Variants in TPP2 observed in about 807,000 individuals in gnomAD.
The protein encoded by TPP2 is tripeptidyl peptidase 2.
Under a neutral mutation model 155.9 loss-of-function variants are expected in TPP2, and 34 were observed. The ratio of observed to expected loss-of-function variants is 0.22; its 90% CI spans 0.17 to 0.29. The LOEUF (loss-of-function observed/expected upper bound fraction) is 0.29. TPP2 is among the 10% of genes least tolerant of loss of function. The pLI, the probability that TPP2 is intolerant of heterozygous loss-of-function variation, is 1.00. For synonymous variants in TPP2, 510 were observed against 529.4 expected (o/e 0.96, Z 0.50); for missense variants, 1,028 against 1,522.3 (o/e 0.68, Z 5.40).
At chr13:102,623,752 T>C (rs1881342412) in intron 6 of TPP2, among the ~76,000 whole-genome samples, 1 of 152,184 alleles carries the variant, frequency 6.6e-6, no homozygotes, top group Non-Finnish European at 1.5e-5. Context: ...TAAACAACTG[T>C]GTGTTATTCT....
Position 102,675,539 on chromosome 13 carries a change from A to G in TPP2, c.3580-757A>G, listed in dbSNP as rs370996388. Among the ~76,000 whole-genome samples the G allele has an allele frequency of 5.3e-5, 8 of 152,330 alleles. No individual in the cohort carries two copies. The South Asian group carries it at 8.3e-4, about 16-fold the overall frequency. Reference sequence around the variant, plus strand: ...TATTGCAAACAATTATTGAAGGCCTATGTGCCAAACACTACTTACTACTGG... The same window carrying G: ...TATTGCAAACAATTATTGAAGGCCTGTGTGCCAAACACTACTTACTACTGG... On this transcript the variant is annotated intron_variant, in intron 28 of 29. Coordinates refer to ENST00000376052, the MANE Select transcript of TPP2 (RefSeq NM_001330588.2).
At chr13:102,648,758 T>A in intron 21 of TPP2, 149 bp from the exon 22 acceptor site, 2 of 1,062,692 alleles carry the variant, frequency 1.9e-6, no homozygotes, top group South Asian at 3.5e-5. Flanking sequence ...TTATGTGTTA[T>A]ATGAACGTCT....
At chr13:102,627,982 A>AAACATCTCATAC in intron 8 of TPP2, 58 bp downstream of exon 8, 1 of 1,371,046 alleles carries the variant, frequency 7.3e-7, no homozygotes, top group Non-Finnish European at 1.0e-6. Flanking sequence ...AGAGTATGAG[A>AAACATCTCATAC]TGTTTTTCAT....
chr13:102,603,624 G>A (rs1295573663), intron 1 of TPP2, among the ~76,000 whole-genome samples: 2 of 152,208 alleles, frequency 1.3e-5, no homozygotes, highest in African/African-American at 2.4e-5. Flanking sequence ...GGTGGCAGGG[G>A]TCAGATGGTG....
At chr13:102,601,639 C>T (rs941677479) in intron 1 of TPP2, among the ~76,000 whole-genome samples, 9 of 152,220 alleles carry the variant, frequency 5.9e-5, no homozygotes, top group African/African-American at 2.2e-4. Context: ...TTCAGTCCCT[C>T]TTTCCCATGT....
At chr13:102,644,535 T>G (rs1452018827) in intron 17 of TPP2, 22 bp from the exon 18 acceptor site, 1 of 1,545,692 alleles carries the variant, frequency 6.5e-7, no homozygotes. Flanking sequence ...AAGAGATATA[T>G]TTTATTTACT....
intron 27 of TPP2, among the ~76,000 whole-genome samples, chr13:102,671,446 A>C (rs1884977414): frequency 1.3e-5 from 2 of 152,206 alleles, no homozygotes; most frequent in South Asian, 2.1e-4. Context: ...TACCTAAATA[A>C]GATTTTGAGA....
At chr13:102,655,680 C>T (rs1020114832) in intron 24 of TPP2, among the ~76,000 whole-genome samples, 1 of 152,168 alleles carries the variant, frequency 6.6e-6, no homozygotes, top group Non-Finnish European at 1.5e-5. Context: ...ATGTTGACTT[C>T]CATTCTCTTT....
At chr13:102,666,022 G>T (rs1884569056) in intron 27 of TPP2, among the ~76,000 whole-genome samples, 1 of 151,994 alleles carries the variant, frequency 6.6e-6, no homozygotes, top group African/African-American at 2.4e-5. Flanking sequence ...TTGCCATTTT[G>T]TTGTTGTTGT....
chr13:102,670,916 G>A (rs1009797656), intron 27 of TPP2, among the ~76,000 whole-genome samples: 4 of 152,156 alleles, frequency 2.6e-5, no homozygotes, highest in Non-Finnish European at 4.4e-5. Context: ...TATTCTTTAC[G>A]ACAGAGGCAT....
intron 8 of TPP2, 60 bp from the exon 9 acceptor site, chr13:102,629,422 C>T (rs1411630426): frequency 7.0e-7 from 1 of 1,418,790 alleles, no homozygotes; most frequent in Non-Finnish European, 9.2e-7. Context: ...GGTTTTGGTA[C>T]TATATACACT....
intron 25 of TPP2, among the ~76,000 whole-genome samples, chr13:102,662,364 A>G (rs1884288217): frequency 6.6e-6 from 1 of 152,230 alleles, no homozygotes; most frequent in Non-Finnish European, 1.5e-5. Flanking sequence ...TTACTATGCT[A>G]GAAAGCATTG....
At chr13:102,601,733 C>T (rs1227093774) in intron 1 of TPP2, among the ~76,000 whole-genome samples, 5 of 152,180 alleles carry the variant, frequency 3.3e-5, no homozygotes, top group East Asian at 1.9e-4. Flanking sequence ...TCTCCCAAAA[C>T]ACCATGGCAA....
chr13:102,672,956 C>T (rs1293357790), intron 27 of TPP2, among the ~76,000 whole-genome samples: 1 of 152,172 alleles, frequency 6.6e-6, no homozygotes, highest in Non-Finnish European at 1.5e-5. Context: ...GTTTCATTTA[C>T]ATTGCAAATG....
chr13:102,627,825 TAG>T, intron 7 of TPP2, 21 bp from the exon 8 acceptor site: 1 of 1,576,300 alleles, frequency 6.3e-7, no homozygotes, highest in Non-Finnish European at 8.7e-7. Flanking sequence ...CTGCCTAAAC[TAG>T]AGTCTTAATC....
At chr13:102,671,357 G>A (rs1383935992) in intron 27 of TPP2, among the ~76,000 whole-genome samples, 2 of 152,138 alleles carry the variant, frequency 1.3e-5, no homozygotes, top group African/African-American at 4.8e-5. Flanking sequence ...TTTGACAGTT[G>A]TATATGGCTG....
intron 1 of TPP2, among the ~76,000 whole-genome samples, chr13:102,597,841 T>C (rs974295983): frequency 6.6e-6 from 1 of 152,212 alleles, no homozygotes; most frequent in African/African-American, 2.4e-5. Flanking sequence ...TAGTTTTGTG[T>C]ATTCTATTTT....
chr13:102,672,960 G>T (rs551264831), intron 27 of TPP2, among the ~76,000 whole-genome samples: 14 of 152,252 alleles, frequency 9.2e-5, no homozygotes, highest in African/African-American at 2.9e-4. Context: ...CATTTACATT[G>T]CAAATGTATT....
At chr13:102,677,326 C>T (rs1040960446) in intron 29 of TPP2, among the ~76,000 whole-genome samples, 15 of 151,960 alleles carry the variant, frequency 9.9e-5, no homozygotes, top group Middle Eastern at 3.2e-3. Context: ...TCCCTGCCGA[C>T]GTTCACATCA....
Sources: gnomAD v4.1 joint callset for allele counts (sites outside exome capture counted in the v4.1 genomes callset) on GRCh38, gnomAD v4.1.1 for gene constraint, MANE v1.5 for transcripts, NCBI Gene and HGNC (gene_info 2026-07-23, HGNC 2026-07-21) for gene names.